The following MCMDC2 variants were observed in gnomAD, a reference collection of about 807,000 sequenced individuals.
The protein encoded by MCMDC2 is minichromosome maintenance domain containing 2, also known as minichromosome maintenance domain-containing protein 2.
A neutral mutation model predicts 75.8 loss-of-function variants in MCMDC2; 54 were observed. That is an observed-to-expected ratio of 0.71 (90% confidence interval 0.57 to 0.89). The LOEUF is 0.89. MCMDC2 is among the 40% of genes least tolerant of loss of function. The probability of loss-of-function intolerance (pLI) is 0.00; values close to 1 mark genes in which losing one functional copy is unlikely to be tolerated. For synonymous variants in MCMDC2, 249 were observed against 274.6 expected (o/e 0.91, Z 0.92); for missense variants, 656 against 780.4 (o/e 0.84, Z 1.90).
chr8:66,888,970 G>C (rs1325421452), intron 9 of MCMDC2, among the ~76,000 whole-genome samples: 1 of 152,198 alleles, frequency 6.6e-6, no homozygotes, highest in Non-Finnish European at 1.5e-5. Context: ...GGCTGTGGTT[G>C]AGAACCACTC....
intron 4 of MCMDC2, among the ~76,000 whole-genome samples, chr8:66,876,854 G>A (rs546174895): frequency 5.3e-5 from 8 of 152,144 alleles, no homozygotes; most frequent in African/African-American, 1.7e-4. Context: ...TCCGCCTCCC[G>A]TGTTCATGCC....
At position 66,877,491 on chromosome 8, in the gene MCMDC2, A is replaced by G. The variant is rs757889747; in HGVS notation, c.428A>G (p.Tyr143Cys). 2 of 1,611,638 alleles carry G rather than the reference A, an allele frequency of 1.2e-6. No individual in the cohort carries two copies. The highest frequency in any genetic ancestry group is 2.2e-5 in the East Asian group (1 of 44,792). Residue 143 changes from tyrosine (Y) to cysteine (C), a missense_variant, in exon 5 of 15, where the codon TAT (tyrosine) becomes TGT (cysteine). Transcript: ENST00000422365. ...IVIAMTTITK[Y>C]TQGARFLCSD... ...ATTGCAATGACAACTATAACCAAGT[A>G]TACACAAGGGGCAAGATTTCTTTGT...
intron 10 of MCMDC2, 68 bp downstream of exon 10, chr8:66,891,138 AAC>A: frequency 7.8e-7 from 1 of 1,283,132 alleles, no homozygotes; most frequent in Non-Finnish European, 1.1e-6. Flanking sequence ...TGAGATACTT[AAC>A]AGTTAAGATA....
intron 14 of MCMDC2, among the ~76,000 whole-genome samples, chr8:66,912,015 T>G (rs1813140281): frequency 6.6e-6 from 1 of 152,192 alleles, no homozygotes; most frequent in Non-Finnish European, 1.5e-5. Flanking sequence ...ATACATTTCT[T>G]AAGTCCATCA....
At chr8:66,926,335 G>T (rs1208919736), downstream of MCMDC2, 1 of 152,194 alleles carries the variant, frequency 6.6e-6, no homozygotes, top group Non-Finnish European at 1.5e-5. Flanking sequence ...CTTGTTGCCA[G>T]AAAGAATACA....
chr8:66,907,895 A>G (rs1812968481), intron 14 of MCMDC2, among the ~76,000 whole-genome samples: 1 of 151,932 alleles, frequency 6.6e-6, no homozygotes, highest in South Asian at 2.1e-4. Context: ...GTCTGTTCAT[A>G]TCTTTTGTCC....
chr8:66,886,385 G>A (rs547673557), intron 9 of MCMDC2, among the ~76,000 whole-genome samples: 105 of 152,014 alleles, frequency 6.9e-4, no homozygotes, highest in African/African-American at 2.4e-3. Flanking sequence ...GGCTAGTCTC[G>A]AACTCCTGAC....
At chr8:66,874,626 T>G in intron 4 of MCMDC2, 40 bp downstream of exon 4, 2 of 1,518,846 alleles carry the variant, frequency 1.3e-6, no homozygotes, top group Non-Finnish European at 1.8e-6. Flanking sequence ...AGGTACAGAT[T>G]TACATGATGA....
chr8:66,896,983 C>T, intron 12 of MCMDC2, 24 bp downstream of exon 12: 1 of 1,568,782 alleles, frequency 6.4e-7, no homozygotes, highest in Non-Finnish European at 8.6e-7. Flanking sequence ...AAACGGTTAC[C>T]CAGAATGCCT....
Position 66,896,767 on chromosome 8 carries a change from T to C in MCMDC2, c.1447-13T>C. On this transcript the variant is annotated splice_polypyrimidine_tract_variant and intron_variant, in intron 11 of 14. Coordinates refer to ENST00000422365, the MANE Select transcript of MCMDC2 (RefSeq NM_173518.5). ...AGTTTAATGTTTGCCTGTTACCTTT[T>C]GGTTTGATGTAGGATTGCAGTTTGA... The C allele has an allele frequency of 6.4e-7, 1 of 1,563,338 alleles. No homozygotes were observed. Among genetic ancestry groups the C allele is most frequent in the Non-Finnish European group, 8.6e-7 (1 of 1,157,574 alleles).
chr8:66,874,955 C>T (rs575259908), intron 4 of MCMDC2, among the ~76,000 whole-genome samples: 3 of 152,010 alleles, frequency 2.0e-5, no homozygotes, highest in Non-Finnish European at 2.9e-5. Flanking sequence ...AGGGTTTCAC[C>T]ATGCTGGCCA....
chr8:66,913,732 G>A (rs62513066), intron 14 of MCMDC2, among the ~76,000 whole-genome samples: 14 of 151,376 alleles, frequency 9.2e-5, no homozygotes, highest in African/African-American at 1.7e-4. Flanking sequence ...TTGGGAGGCC[G>A]GGGCAGCGGA....
At chr8:66,904,225 C>A (rs1375103928) in intron 13 of MCMDC2, among the ~76,000 whole-genome samples, 1 of 152,022 alleles carries the variant, frequency 6.6e-6, no homozygotes, top group Non-Finnish European at 1.5e-5. Context: ...CAAATTAGGT[C>A]ATGAGGAGAG....
intron 14 of MCMDC2, among the ~76,000 whole-genome samples, chr8:66,912,322 T>A (rs1813150477): frequency 6.6e-6 from 1 of 152,226 alleles, no homozygotes. Context: ...CATGAACGGA[T>A]GAGAAGTTGC....
intron 1 of MCMDC2, among the ~76,000 whole-genome samples, chr8:66,873,121 C>A (rs1406245422): frequency 6.6e-6 from 1 of 152,170 alleles, no homozygotes; most frequent in East Asian, 1.9e-4. Context: ...GCACCTGTTA[C>A]AACTACTGAC....
intron 7 of MCMDC2, among the ~76,000 whole-genome samples, chr8:66,879,981 C>T (rs1270448628): frequency 6.6e-6 from 1 of 152,188 alleles, no homozygotes; most frequent in Admixed American, 6.5e-5. Context: ...TCTTTCATAG[C>T]TTTACAACCA....
At chr8:66,915,132 C>A (rs1813256381) in intron 14 of MCMDC2, among the ~76,000 whole-genome samples, 1 of 151,902 alleles carries the variant, frequency 6.6e-6, no homozygotes, top group Admixed American at 6.6e-5. Context: ...GAGTTTGAAA[C>A]CAACCTGGGC....
chr8:66,912,939 CATAA>C (rs1460379617), intron 14 of MCMDC2, among the ~76,000 whole-genome samples: 3 of 151,300 alleles, frequency 2.0e-5, no homozygotes, highest in Non-Finnish European at 4.4e-5. Context: ...TAATAAAAAA[CATAA>C]ATAAAATAAA....
chr8:66,900,763 A>C (rs1812621688), intron 12 of MCMDC2, among the ~76,000 whole-genome samples: 1 of 152,198 alleles, frequency 6.6e-6, no homozygotes, highest in African/African-American at 2.4e-5. Context: ...AGCAGTTAAC[A>C]CAATGTTTCC....
Sources: allele counts gnomAD v4.1 joint callset (sites outside exome capture counted in the v4.1 genomes callset), GRCh38; gene constraint gnomAD v4.1.1; transcripts MANE v1.5; gene names NCBI Gene and HGNC (gene_info 2026-07-23, HGNC 2026-07-21).